Variants in OPN3 observed in about 807,000 individuals in gnomAD.
OPN3 encodes opsin 3, also known as opsin-3.
In OPN3, 29 loss-of-function variants were observed where a neutral mutation model predicts 33.8. The ratio of observed to expected loss-of-function variants is 0.86; its 90% CI spans 0.64 to 1.17. The LOEUF (loss-of-function observed/expected upper bound fraction) is 1.17. Ranked by LOEUF, OPN3 falls within the 50% of genes most tolerant of loss-of-function variation. OPN3 has a pLI of 0.00. For missense variants in OPN3, 437 were observed against 514.1 expected, an observed-to-expected ratio of 0.85 and a Z score of 1.45; for synonymous variants, 216 against 216.1, an observed-to-expected ratio of 1.00 and a Z score of 0.00.
chr1:241,613,815 C>T (rs1004567669), intron 1 of OPN3, among the ~76,000 whole-genome samples: 1 of 152,126 alleles, frequency 6.6e-6, no homozygotes, highest in Admixed American at 6.5e-5. Flanking sequence ...CACAATGACT[C>T]AGTTTCAAAG....
At chr1:241,635,275 C>T in intron 1 of OPN3, 1 of 1,613,938 alleles carries the variant, frequency 6.2e-7, no homozygotes, top group Non-Finnish European at 8.5e-7. Flanking sequence ...CTAGTGAAAT[C>T]TCTGTATCAC....
chr1:241,622,643 A>G (rs992912965), intron 1 of OPN3, among the ~76,000 whole-genome samples: 4 of 152,200 alleles, frequency 2.6e-5, no homozygotes, highest in African/African-American at 9.7e-5. Context: ...TAGAATTTCA[A>G]CAATTGATAA....
chr1:241,626,067 T>C (rs1399335816), intron 1 of OPN3, among the ~76,000 whole-genome samples: 1 of 152,230 alleles, frequency 6.6e-6, no homozygotes, highest in Non-Finnish European at 1.5e-5. Flanking sequence ...TATCTAAATG[T>C]GTACTATTTT....
At chr1:241,610,676 T>A (rs1303018532) in intron 1 of OPN3, among the ~76,000 whole-genome samples, 1 of 152,160 alleles carries the variant, frequency 6.6e-6, no homozygotes, top group Non-Finnish European at 1.5e-5. Flanking sequence ...AAAGATGAAT[T>A]ATAAACAGAG....
At chr1:241,636,150 C>T (rs1664888796) in intron 1 of OPN3, 1 of 411,892 alleles carries the variant, frequency 2.4e-6, no homozygotes, top group Non-Finnish European at 4.3e-6. Context: ...CAATGACAAT[C>T]CATTGGAGTG....
chr1:241,602,455 A>C (rs1663701075), intron 2 of OPN3, among the ~76,000 whole-genome samples: 1 of 152,176 alleles, frequency 6.6e-6, no homozygotes, highest in Non-Finnish European at 1.5e-5. Flanking sequence ...TAAACTTACT[A>C]AACTACCAAC....
At chr1:241,620,427 A>T (rs147897941) in intron 1 of OPN3, among the ~76,000 whole-genome samples, 274 of 152,316 alleles carry the variant, frequency 1.8e-3, no homozygotes, top group South Asian at 6.2e-3. Flanking sequence ...TGATTAGGCC[A>T]TGAAGGCAGA....
At chr1:241,623,823 C>G (rs746607021) in intron 1 of OPN3, among the ~76,000 whole-genome samples, 6 of 152,214 alleles carry the variant, frequency 3.9e-5, no homozygotes, top group Non-Finnish European at 7.3e-5. Context: ...GTATCCACAT[C>G]TTTTTCCCAG....
intron 2 of OPN3, among the ~76,000 whole-genome samples, chr1:241,601,500 C>T (rs185427126): frequency 1.4e-4 from 22 of 151,970 alleles, no homozygotes; most frequent in African/African-American, 4.6e-4. Context: ...GTCAGGAGTT[C>T]GAAACCAGCC....
At chr1:241,624,151 G>A (rs1210823426) in intron 1 of OPN3, among the ~76,000 whole-genome samples, 4 of 138,212 alleles carry the variant, frequency 2.9e-5, no homozygotes, top group Non-Finnish European at 4.7e-5. Context: ...TCCAGACACT[G>A]TGGACCCTCT....
chr1:241,629,877 T>C (rs1172975709), intron 1 of OPN3: 12 of 152,122 alleles, frequency 7.9e-5, no homozygotes, highest in Non-Finnish European at 1.8e-4. Context: ...GAAAGGTTGC[T>C]TAATAGCATG....
intron 1 of OPN3, among the ~76,000 whole-genome samples, chr1:241,606,121 C>T (rs1663823228): frequency 6.6e-6 from 1 of 152,136 alleles, no homozygotes; most frequent in African/African-American, 2.4e-5. Context: ...GATGGGACCT[C>T]AGCTAGGATG....
chr1:241,615,697 T>C (rs1664106225), intron 1 of OPN3, among the ~76,000 whole-genome samples: 1 of 152,200 alleles, frequency 6.6e-6, no homozygotes, highest in African/African-American at 2.4e-5. Context: ...AATCATTGAC[T>C]GGACTCTATT....
chr1:241,609,218 T>C (rs992030456), intron 1 of OPN3, among the ~76,000 whole-genome samples: 3 of 152,194 alleles, frequency 2.0e-5, no homozygotes, highest in Admixed American at 2.0e-4. Context: ...TGATGAGTGC[T>C]GCAAACTGGG....
intron 1 of OPN3, chr1:241,634,270 C>G: frequency 6.2e-7 from 1 of 1,613,908 alleles, no homozygotes; most frequent in Admixed American, 1.7e-5. Context: ...TCATGCATGT[C>G]ATGGTTGAAG....
chr1:241,634,343 G>T (rs1424650338), intron 1 of OPN3: 2 of 1,613,878 alleles, frequency 1.2e-6, no homozygotes, highest in Middle Eastern at 1.6e-4. Flanking sequence ...TATCAGAATG[G>T]AAGTCTGCTG....
At chr1:241,629,269 G>T (rs932085727) in intron 1 of OPN3, 3 of 152,042 alleles carry the variant, frequency 2.0e-5, no homozygotes, top group Non-Finnish European at 4.4e-5. Flanking sequence ...TATGTCAAAA[G>T]ATCAGTTATA....
intron 1 of OPN3, chr1:241,634,917 A>G (rs1190615257): frequency 6.2e-7 from 1 of 1,611,158 alleles, no homozygotes; most frequent in Non-Finnish European, 8.5e-7. Context: ...TTGCTATTAA[A>G]GACATCTGCT....
At chr1:241,619,351 C>T (rs78405235) in intron 1 of OPN3, among the ~76,000 whole-genome samples, 1,606 of 152,260 alleles carry the variant, frequency 0.011, 22 homozygotes, top group African/African-American at 0.036. Context: ...GAGTCAGTAC[C>T]GATGTCCGGG....
Sources: allele counts gnomAD v4.1 joint callset (sites outside exome capture counted in the v4.1 genomes callset), GRCh38; gene constraint gnomAD v4.1.1; transcripts MANE v1.5; gene names NCBI Gene and HGNC (gene_info 2026-07-23, HGNC 2026-07-21).